Variants in SLC24A3 observed in about 807,000 individuals in gnomAD.
SLC24A3 encodes solute carrier family 24 member 3, also known as sodium/potassium/calcium exchanger 3.
SLC24A3 carries 28 observed loss-of-function variants against 75.8 expected under a neutral mutation model. The observed-to-expected ratio is 0.37, with a 90% CI of 0.27 to 0.51. SLC24A3 has a LOEUF of 0.51. SLC24A3 is among the 20% of genes least tolerant of loss of function. The pLI is 0.94. For synonymous variants in SLC24A3, 372 were observed against 334.1 expected (o/e 1.11, Z -1.24); for missense variants, 663 against 847.8 (o/e 0.78, Z 2.71).
chr20:19,293,512 T>C (rs1314970947), intron 2 of SLC24A3, among the ~76,000 whole-genome samples: 1 of 151,760 alleles, frequency 6.6e-6, no homozygotes, highest in African/African-American at 2.4e-5. Context: ...AAAAATTAGT[T>C]GGGCGTGGTG....
At chr20:19,297,384 C>T (rs1984087026) in intron 2 of SLC24A3, among the ~76,000 whole-genome samples, 1 of 152,136 alleles carries the variant, frequency 6.6e-6, no homozygotes. Context: ...TAGGACATAC[C>T]ATCATCCCAG....
At chr20:19,480,044 A>G (rs1318157117) in intron 2 of SLC24A3, among the ~76,000 whole-genome samples, 1 of 152,276 alleles carries the variant, frequency 6.6e-6, no homozygotes. Flanking sequence ...TGCAAAATCC[A>G]GGAAATGCAT....
rs929440670 is a variant in SLC24A3, at chr20:19,722,697, A to G, written c.*1557A>G. 2.6e-5 allele frequency: 4 copies of G among 152,586 alleles called. No individual in the cohort carries two copies. Among genetic ancestry groups the G allele is most frequent in the Non-Finnish European group, 4.4e-5 (3 of 68,032 alleles). 9.5% of individuals were successfully genotyped at this position (152,586 alleles called of 1,614,324 possible). On this transcript the variant is annotated 3_prime_UTR_variant, in exon 17 of 17. Transcript: ENST00000328041. The stretch of plus-strand genomic sequence containing the variant: ...GAATTTGTAAAAATAACCTGCTACA[A>G]ATTGGTTGAATGTTTCTGTCTGTGG...
In SLC24A3 at chr20:19,638,048, C is replaced by G. The variant is rs571071095; in HGVS notation, c.613-16014C>G. Among the ~76,000 whole-genome samples, 3 of 152,184 alleles carry G rather than the reference C, an allele frequency of 2.0e-5. No individual in the cohort carries two copies. In the South Asian group the frequency reaches 6.2e-4, roughly 32 times the overall value. ...TGGTGGTTTCCTGCATCTATAGACC[C>G]ATCCTCTAAGTTCCTTCCCCCTCAT... On this transcript the variant is annotated intron_variant, in intron 6 of 16. Transcript: ENST00000328041.
chr20:19,406,150 T>C (rs1307543424), intron 2 of SLC24A3, among the ~76,000 whole-genome samples: 1 of 152,006 alleles, frequency 6.6e-6, no homozygotes. Flanking sequence ...GAAGTGCTTA[T>C]TACATTAGAA....
chr20:19,502,361 G>A (rs77246390), intron 2 of SLC24A3, among the ~76,000 whole-genome samples: 16,979 of 152,108 alleles, frequency 0.11, 1,017 homozygotes, highest in Middle Eastern at 0.13. Flanking sequence ...GCGGCCCAGG[G>A]AAAACAACAG....
intron 2 of SLC24A3, among the ~76,000 whole-genome samples, chr20:19,451,244 G>T (rs140914132): frequency 2.1e-4 from 32 of 152,318 alleles, no homozygotes; most frequent in African/African-American, 7.0e-4. Context: ...AGAGGAGCTA[G>T]TGGCAGGATA....
At chr20:19,304,976 C>T (rs1170821596) in intron 2 of SLC24A3, among the ~76,000 whole-genome samples, 2 of 151,976 alleles carry the variant, frequency 1.3e-5, no homozygotes, top group African/African-American at 4.8e-5. Flanking sequence ...CAGTTGTGTT[C>T]TAAATTTAAC....
chr20:19,446,199 A>G (rs1202421387), intron 2 of SLC24A3, among the ~76,000 whole-genome samples: 1 of 152,214 alleles, frequency 6.6e-6, no homozygotes. Flanking sequence ...TTTTGAGTCA[A>G]CTTTTAGAGG....
intron 2 of SLC24A3, among the ~76,000 whole-genome samples, chr20:19,322,049 A>C (rs964692301): frequency 1.7e-4 from 26 of 152,256 alleles, no homozygotes; most frequent in African/African-American, 6.3e-4. Context: ...TGCCCTTCCC[A>C]GTGCATCACT....
At chr20:19,588,250 G>C (rs2031327258) in intron 6 of SLC24A3, among the ~76,000 whole-genome samples, 1 of 152,196 alleles carries the variant, frequency 6.6e-6, no homozygotes, top group Non-Finnish European at 1.5e-5. Context: ...TGGATATTGG[G>C]AATTGAAGCG....
At chr20:19,540,244 A>G (rs1024149150) in intron 3 of SLC24A3, among the ~76,000 whole-genome samples, 11 of 152,300 alleles carry the variant, frequency 7.2e-5, no homozygotes, top group African/African-American at 2.6e-4. Flanking sequence ...AAACACGTTC[A>G]GTGCAGAGCT....
At chr20:19,641,768 C>T (rs1390077883) in intron 6 of SLC24A3, among the ~76,000 whole-genome samples, 2 of 152,168 alleles carry the variant, frequency 1.3e-5, no homozygotes, top group East Asian at 1.9e-4. Flanking sequence ...GGGACCCAGG[C>T]ATGAGTATTT....
At chr20:19,282,982 G>A (rs1282426643) in intron 2 of SLC24A3, among the ~76,000 whole-genome samples, 5 of 152,214 alleles carry the variant, frequency 3.3e-5, no homozygotes, top group South Asian at 4.1e-4. Flanking sequence ...ACGTGAACCC[G>A]GGATCTGCCT....
intron 2 of SLC24A3, among the ~76,000 whole-genome samples, chr20:19,414,899 T>A (rs1986802462): frequency 6.6e-6 from 1 of 152,238 alleles, no homozygotes; most frequent in South Asian, 2.1e-4. Context: ...CCAATTATAA[T>A]GTTCAACCAA....
At chr20:19,461,825 G>A (rs1271447038) in intron 2 of SLC24A3, among the ~76,000 whole-genome samples, 1 of 152,106 alleles carries the variant, frequency 6.6e-6, no homozygotes, top group African/African-American at 2.4e-5. Flanking sequence ...GAGCCATCGT[G>A]CCTGGCCCCC....
At chr20:19,651,121 T>G (rs1369744546) in intron 6 of SLC24A3, among the ~76,000 whole-genome samples, 1 of 152,126 alleles carries the variant, frequency 6.6e-6, no homozygotes, top group Non-Finnish European at 1.5e-5. Flanking sequence ...AACATAATTA[T>G]ATGTAACAAG....
intron 6 of SLC24A3, among the ~76,000 whole-genome samples, chr20:19,641,411 T>C (rs1045771763): frequency 1.3e-5 from 2 of 152,208 alleles, no homozygotes; most frequent in African/African-American, 4.8e-5. Flanking sequence ...AAATTTTTAT[T>C]ATAAATATAA....
chr20:19,495,914 C>T (rs1988278057), intron 2 of SLC24A3, among the ~76,000 whole-genome samples: 1 of 152,240 alleles, frequency 6.6e-6, no homozygotes, highest in African/African-American at 2.4e-5. Context: ...AATACATAGC[C>T]ACACAGTGGA....
Sources: allele counts gnomAD v4.1 joint callset (sites outside exome capture counted in the v4.1 genomes callset), GRCh38; gene constraint gnomAD v4.1.1; transcripts MANE v1.5; gene names NCBI Gene and HGNC (gene_info 2026-07-23, HGNC 2026-07-21).